TIMD4: variants seen among roughly 807,000 people sequenced by gnomAD.
TIMD4 encodes T cell immunoglobulin and mucin domain containing 4, also known as T-cell immunoglobulin and mucin domain-containing protein 4.
TIMD4 carries 31 observed loss-of-function variants against 41.2 expected under a neutral mutation model. The ratio of observed to expected loss-of-function variants is 0.75; its 90% confidence interval spans 0.57 to 1.01. TIMD4 has a LOEUF of 1.01. Ranked by LOEUF, TIMD4 falls within the 50% of genes least tolerant of loss-of-function variation. The probability of loss-of-function intolerance (pLI) is 0.00; values close to 1 mark genes in which losing one functional copy is unlikely to be tolerated. For synonymous variants in TIMD4, 204 were observed against 177.1 expected (o/e 1.15, Z -1.21); for missense variants, 479 against 472.5 (o/e 1.01, Z -0.13).
chr5:156,930,073 C>T (rs1759419184), intron 5 of TIMD4, among the ~76,000 whole-genome samples: 2 of 152,138 alleles, frequency 1.3e-5, no homozygotes, highest in South Asian at 4.1e-4. Flanking sequence ...CAGGTTGAAG[C>T]GATTCTCATG....
At chr5:156,928,144 C>T (rs911881616) in intron 5 of TIMD4, among the ~76,000 whole-genome samples, 1 of 151,930 alleles carries the variant, frequency 6.6e-6, no homozygotes, top group African/African-American at 2.4e-5. Context: ...ATACAACATA[C>T]AAAAATTAGC....
chr5:156,949,550 C>T, intron 4 of TIMD4, 101 bp downstream of exon 4: 1 of 1,029,810 alleles, frequency 9.7e-7, no homozygotes, highest in South Asian at 1.3e-5. Context: ...ACAAAAGACC[C>T]AAAGAGGTTG....
rs556771511 is a variant in TIMD4, at chr5:156,944,414, A to G, written c.844+4002T>C. ...AGAAGCTCATCTACAGATATCCCCC[A>G]TCCAGGAGTCCTCAGACACAGTTTA... On this transcript the variant is annotated intron_variant, in intron 5 of 8. Coordinates refer to ENST00000274532, the MANE Select transcript of TIMD4 (RefSeq NM_138379.3). Among the ~76,000 whole-genome samples, 7 of 150,540 alleles carry G rather than the reference A, an allele frequency of 4.6e-5. No individual in the cohort carries two copies. In the East Asian group the frequency reaches 8.0e-4, roughly 17 times the overall value.
intron 5 of TIMD4, among the ~76,000 whole-genome samples, chr5:156,936,551 A>T (rs1342951920): frequency 6.6e-6 from 1 of 152,178 alleles, no homozygotes; most frequent in Non-Finnish European, 1.5e-5. Context: ...AGCCAGGATC[A>T]TTTAACTTCA....
In TIMD4 at chr5:156,960,492, T is replaced by G. The variant is rs1306102681; in HGVS notation, c.58+2649A>C. On this transcript the variant is annotated intron_variant, in intron 1 of 8. Coordinates refer to ENST00000274532, the MANE Select transcript of TIMD4 (RefSeq NM_138379.3). ...TGCAATCTCGGCTCACTGCAACCTCTGCCTCTCTAGTTCAAGCGATTCTCC... is the reference window on the plus strand; with the variant it reads ...TGCAATCTCGGCTCACTGCAACCTCGGCCTCTCTAGTTCAAGCGATTCTCC... Among the ~76,000 whole-genome samples, 4 of 150,344 alleles carry G rather than the reference T, an allele frequency of 2.7e-5. No homozygotes were observed. In the Admixed American group the frequency reaches 2.7e-4, roughly 10 times the overall value.
chr5:156,951,208 G>A (rs1425751176), intron 3 of TIMD4, among the ~76,000 whole-genome samples: 1 of 152,168 alleles, frequency 6.6e-6, no homozygotes, highest in Non-Finnish European at 1.5e-5. Flanking sequence ...TCTTACAAGA[G>A]ATTAGGACAT....
chr5:156,955,500 C>CA lies in TIMD4; in HGVS notation c.59-745dup, dbSNP rs1345835908. 9.9e-5 allele frequency among the ~76,000 whole-genome samples: 15 copies of CA among 152,168 alleles called. No homozygotes were observed. In the East Asian group the frequency reaches 1.5e-3, roughly 16 times the overall value. ...TGAAACCCCGTCTCTACTAAAAATACAAAAAATTAGCCGGGCGTGGTGGCA... is the reference window on the plus strand; with the variant it reads ...TGAAACCCCGTCTCTACTAAAAATACAAAAAAATTAGCCGGGCGTGGTGGCA... On this transcript the variant is annotated intron_variant, in intron 1 of 8. Transcript: ENST00000274532.
chr5:156,935,609 A>C (rs2113358897), intron 5 of TIMD4: 1 of 152,312 alleles, frequency 6.6e-6, no homozygotes, highest in African/African-American at 2.4e-5. Context: ...AAGAGAAAGA[A>C]ATGGTGAGAT....
chr5:156,924,306 A>T, intron 6 of TIMD4: 3 of 346,904 alleles, frequency 8.6e-6, no homozygotes, highest in Non-Finnish European at 1.7e-5. Flanking sequence ...TTAGGAAAGC[A>T]TCTCTCAGCT....
intron 2 of TIMD4, 150 bp from the exon 3 acceptor site, chr5:156,951,940 G>A: frequency 9.6e-7 from 1 of 1,041,682 alleles, no homozygotes. Flanking sequence ...TGTGTTTCCT[G>A]CCCCCACCCT....
chr5:156,951,756 G>A lies in TIMD4; in HGVS notation c.435C>T (p.Thr145=). 6.2e-7 allele frequency: 1 copy of A among 1,614,126 alleles called. No homozygotes were observed. The highest frequency in any genetic ancestry group is 8.5e-7 in the Non-Finnish European group (1 of 1,180,016). ...STTTHRTATT[T]TRRTTTTSPT... ...GGCTTGTTGTTGTTGTTCTGCGTGT[G>A]GTGGTGGTTGCTGTTCTGTGCGTGG... Residue 145 remains threonine, a synonymous_variant, in exon 3 of 9, where the codon ACC becomes ACT. Transcript: ENST00000274532.
At chr5:156,944,560 A>G (rs552521942) in intron 5 of TIMD4, among the ~76,000 whole-genome samples, 23 of 131,794 alleles carry the variant, frequency 1.7e-4, no homozygotes, top group African/African-American at 5.9e-4. Context: ...GCTGGAGTAC[A>G]GTGGCGCGAT....
intron 5 of TIMD4, among the ~76,000 whole-genome samples, chr5:156,933,642 A>T (rs1443031010): frequency 1.3e-5 from 2 of 151,950 alleles, no homozygotes; most frequent in African/African-American, 4.8e-5. Context: ...ATCTTGGCTC[A>T]CTGCAACCTC....
intron 5 of TIMD4, among the ~76,000 whole-genome samples, chr5:156,939,695 T>G (rs1431106401): frequency 6.6e-6 from 1 of 152,162 alleles, no homozygotes; most frequent in Non-Finnish European, 1.5e-5. Context: ...TTCTCCCAAC[T>G]GCAGAGAATT....
intron 5 of TIMD4, among the ~76,000 whole-genome samples, chr5:156,928,888 T>C (rs1029036981): frequency 6.6e-6 from 1 of 152,228 alleles, no homozygotes; most frequent in Non-Finnish European, 1.5e-5. Flanking sequence ...TCATTTGTGA[T>C]GAATAAGCCT....
intron 5 of TIMD4, among the ~76,000 whole-genome samples, chr5:156,944,133 C>A (rs534881729): frequency 6.6e-6 from 1 of 152,004 alleles, no homozygotes; most frequent in African/African-American, 2.4e-5. Context: ...TCCTAGGTAT[C>A]TTGAGGTATG....
chr5:156,951,699 TG>T lies in TIMD4; in HGVS notation c.491del (p.Pro164GlnfsTer9), dbSNP rs752565509. On this transcript the variant is annotated frameshift_variant, in exon 3 of 9. Transcript: ENST00000274532. LOFTEE classifies it high-confidence loss of function. ...PTTTRQMTTT[P>X]AALPTTVVTT... ...TCACGACTGTTGTTGGAAGTGCAGC[TG>T]GGGTTGTTGTCATTTGTCGGGTGGT... 4.3e-6 allele frequency: 7 copies of T among 1,614,022 alleles called. No homozygotes were observed. In the East Asian group the frequency reaches 1.3e-4, roughly 31 times the overall value.
chr5:156,931,604 T>A (rs926012701), intron 5 of TIMD4, among the ~76,000 whole-genome samples: 1 of 152,222 alleles, frequency 6.6e-6, no homozygotes, highest in African/African-American at 2.4e-5. Context: ...ACAGGTTAGA[T>A]CTCTTGGCAG....
At chr5:156,956,343 T>A (rs569999005) in intron 1 of TIMD4, among the ~76,000 whole-genome samples, 5 of 152,070 alleles carry the variant, frequency 3.3e-5, no homozygotes, top group Admixed American at 2.6e-4. Context: ...AAAAAAAAAA[T>A]GCTGGAGGGT....
Sources: gnomAD v4.1 joint callset for allele counts (sites outside exome capture counted in the v4.1 genomes callset) on GRCh38, gnomAD v4.1.1 for gene constraint, MANE v1.5 for transcripts, NCBI Gene and HGNC (gene_info 2026-07-23, HGNC 2026-07-21) for gene names.